The following CCNY variants were observed in gnomAD, a reference collection of about 807,000 sequenced individuals.
The protein encoded by CCNY is cyclin Y, also known as cyclin-Y.
CCNY carries 19 observed loss-of-function variants against 42.8 expected under a neutral mutation model. That is an observed-to-expected ratio of 0.44 (90% CI 0.31 to 0.65). The LOEUF is 0.65. CCNY is among the 30% of genes least tolerant of loss of function. The pLI, the probability that CCNY is intolerant of heterozygous loss-of-function variation, is 0.07. For missense variants in CCNY, 370 were observed against 437.3 expected, an observed-to-expected ratio of 0.85 and a Z score of 1.37; for synonymous variants, 165 against 162.7, an observed-to-expected ratio of 1.01 and a Z score of -0.11.
At chr10:35,393,853 T>C (rs1246798204) in intron 1 of CCNY, among the ~76,000 whole-genome samples, 1 of 152,132 alleles carries the variant, frequency 6.6e-6, no homozygotes, top group Non-Finnish European at 1.5e-5. Context: ...GAGGATTGCT[T>C]GGAGCCAGGA....
chr10:35,426,677 C>T (rs1589113749), intron 1 of CCNY, among the ~76,000 whole-genome samples: 1 of 152,184 alleles, frequency 6.6e-6, no homozygotes, highest in East Asian at 1.9e-4. Context: ...GATGCTGAAC[C>T]AGTGATGACT....
At chr10:35,477,368 C>G (rs1242016644) in intron 1 of CCNY, among the ~76,000 whole-genome samples, 5 of 150,458 alleles carry the variant, frequency 3.3e-5, no homozygotes, top group African/African-American at 1.2e-4. Context: ...CCTTGATGAA[C>G]ATTGATGCAA....
intron 3 of CCNY, among the ~76,000 whole-genome samples, chr10:35,325,402 T>C (rs938550950): frequency 6.6e-6 from 1 of 152,004 alleles, no homozygotes; most frequent in Non-Finnish European, 1.5e-5. Flanking sequence ...GGTCTCGAAC[T>C]CCTGACCTCA....
chr10:35,556,710 C>G (rs1313910260), intron 8 of CCNY, among the ~76,000 whole-genome samples: 5 of 152,142 alleles, frequency 3.3e-5, no homozygotes, highest in African/African-American at 1.2e-4. Context: ...TTCCTGATTA[C>G]GCAGAGGTAC....
intron 1 of CCNY, among the ~76,000 whole-genome samples, chr10:35,473,989 G>A (rs954659723): frequency 1.6e-4 from 24 of 152,194 alleles, no homozygotes; most frequent in Admixed American, 3.3e-4. Flanking sequence ...CTCGGGAAGC[G>A]CAAGGGGTCA....
At chr10:35,460,165 C>CT (rs1207360681) in intron 1 of CCNY, among the ~76,000 whole-genome samples, 1 of 152,196 alleles carries the variant, frequency 6.6e-6, no homozygotes, top group African/African-American at 2.4e-5. Flanking sequence ...TAGTGTCTCC[C>CT]TGCCGCTTGG....
Position 35,516,412 on chromosome 10 carries a change from C to G in CCNY, c.265-111C>G, listed in dbSNP as rs547772802. On this transcript the variant is annotated intron_variant, in intron 3 of 9. Transcript: ENST00000374704. The stretch of plus-strand genomic sequence containing the variant: ...TTGGTGGTAATGTTGACATTTCTTG[C>G]TAAGACATTTTTCCTCTGTGGTCTT... 6.9e-6 allele frequency: 5 copies of G among 723,144 alleles called. No individual in the cohort carries two copies. In the East Asian group the frequency reaches 1.3e-4, roughly 19 times the overall value. The allele number at this position is 723,144 out of a possible 1,614,324, so 44.8% of individuals were successfully genotyped here. A position where few individuals can be genotyped will look rare whatever the true frequency, so the allele number is the denominator to read the frequency against.
intron 3 of CCNY, among the ~76,000 whole-genome samples, chr10:35,308,800 T>G: frequency 6.6e-6 from 1 of 151,524 alleles, no homozygotes; most frequent in African/African-American, 2.4e-5. Flanking sequence ...GGGCTCAGAG[T>G]CGGGGCAAAA....
intron 4 of CCNY, among the ~76,000 whole-genome samples, chr10:35,518,570 A>C (rs1455838307): frequency 8.2e-6 from 1 of 122,122 alleles, no homozygotes; most frequent in Non-Finnish European, 1.7e-5. Flanking sequence ...TCTTGATTGA[A>C]TCTGGCTGAG....
intron 7 of CCNY, among the ~76,000 whole-genome samples, chr10:35,532,357 T>C (rs1840786473): frequency 6.6e-6 from 1 of 152,244 alleles, no homozygotes; most frequent in African/African-American, 2.4e-5. Flanking sequence ...CTTGGCATGC[T>C]GCTCAGCAGG....
At chr10:35,534,180 C>T (rs1039303645) in intron 7 of CCNY, among the ~76,000 whole-genome samples, 3 of 152,160 alleles carry the variant, frequency 2.0e-5, no homozygotes, top group African/African-American at 7.2e-5. Context: ...CGCCACCATG[C>T]CCTGCTAATT....
At position 35,572,520 on chromosome 10, in the gene CCNY, TC is replaced by T. The variant is rs1465141737; in HGVS notation, c.*3352del. On this transcript the variant is annotated 3_prime_UTR_variant, in exon 10 of 10. Transcript: ENST00000374704. ...GTCTCAAACTCCTGACCTCAAGTGA[TC>T]CACCCCCCTCAGCCTCCCAAAGTGC... The T allele has an allele frequency of 6.6e-6, 1 of 152,148 alleles. No homozygotes were observed. Among genetic ancestry groups the T allele is most frequent in the Non-Finnish European group, 1.5e-5 (1 of 68,052 alleles). 9.4% of individuals were successfully genotyped at this position (152,148 alleles called of 1,614,324 possible). A position where few individuals can be genotyped will look rare whatever the true frequency, so the allele number is the denominator to read the frequency against.
intron 1 of CCNY, among the ~76,000 whole-genome samples, chr10:35,473,494 C>T (rs1020410758): frequency 2.0e-5 from 3 of 151,996 alleles, no homozygotes; most frequent in Non-Finnish European, 2.9e-5. Flanking sequence ...GCTGCAAAGG[C>T]GGGTCTAAGG....
intron 7 of CCNY, among the ~76,000 whole-genome samples, chr10:35,546,537 T>A (rs1391494695): frequency 6.6e-6 from 1 of 152,232 alleles, no homozygotes; most frequent in African/African-American, 2.4e-5. Flanking sequence ...TGGCAGAGAG[T>A]TAAAATATCC....
intron 3 of CCNY, among the ~76,000 whole-genome samples, chr10:35,326,338 G>A (rs568471493): frequency 6.6e-6 from 1 of 152,210 alleles, no homozygotes; most frequent in South Asian, 2.1e-4. Context: ...GTTACTCAAA[G>A]TACAGCCTTG....
chr10:35,303,777 CAA>C (rs755443366), intron 3 of CCNY, among the ~76,000 whole-genome samples: 4,330 of 47,996 alleles, frequency 0.09, 21 homozygotes, highest in African/African-American at 0.15. Flanking sequence ...AACTCCGTCT[CAA>C]AAAAAAAAAA....
At chr10:35,261,754 C>T (rs2095719869) in intron 3 of CCNY, among the ~76,000 whole-genome samples, 1 of 152,066 alleles carries the variant, frequency 6.6e-6, no homozygotes, top group Non-Finnish European at 1.5e-5. Flanking sequence ...GGCACAGTGG[C>T]TCATGCCTGT....
intron 1 of CCNY, among the ~76,000 whole-genome samples, chr10:35,482,399 A>G (rs548529200): frequency 1.4e-4 from 22 of 152,208 alleles, no homozygotes; most frequent in African/African-American, 5.3e-4. Context: ...TTCCTTCCCT[A>G]ACTTAATTCT....
At chr10:35,428,086 T>C (rs1838308341) in intron 1 of CCNY, among the ~76,000 whole-genome samples, 1 of 152,216 alleles carries the variant, frequency 6.6e-6, no homozygotes, top group Non-Finnish European at 1.5e-5. Flanking sequence ...GTCCTTTCAT[T>C]CATTTAATGG....
Sources: gnomAD v4.1 joint callset for allele counts (sites outside exome capture counted in the v4.1 genomes callset) on GRCh38, gnomAD v4.1.1 for gene constraint, MANE v1.5 for transcripts, NCBI Gene and HGNC (gene_info 2026-07-23, HGNC 2026-07-21) for gene names.